CDKAL1: variants seen among roughly 807,000 people sequenced by gnomAD.
CDKAL1 encodes CDKAL1 threonylcarbamoyladenosine tRNA methylthiotransferase.
A neutral mutation model predicts 68.2 loss-of-function variants in CDKAL1; 32 were observed. That is an observed-to-expected ratio of 0.47 (90% confidence interval 0.35 to 0.63). The LOEUF (loss-of-function observed/expected upper bound fraction) is 0.63, where lower values mean the gene tolerates loss of function less well. Ranked by LOEUF, CDKAL1 falls within the 30% of genes least tolerant of loss-of-function variation. CDKAL1 has a pLI of 0.00. For synonymous variants in CDKAL1, 234 were observed against 244.3 expected, an observed-to-expected ratio of 0.96 and a Z score of 0.39; for missense variants, 606 against 696.7, an observed-to-expected ratio of 0.87 and a Z score of 1.47.
At chr6:21,173,962 C>T (rs1341840757) in intron 13 of CDKAL1, among the ~76,000 whole-genome samples, 1 of 151,914 alleles carries the variant, frequency 6.6e-6, no homozygotes, top group African/African-American at 2.4e-5. Context: ...GTTCCAGCTA[C>T]GGAAGGCTGA....
chr6:20,978,059 A>T (rs1031332405), intron 10 of CDKAL1, among the ~76,000 whole-genome samples: 1 of 152,254 alleles, frequency 6.6e-6, no homozygotes. Flanking sequence ...TGATATAGGG[A>T]ATACTAAACT....
chr6:20,969,265 G>A (rs1765475616), intron 10 of CDKAL1, among the ~76,000 whole-genome samples: 1 of 152,138 alleles, frequency 6.6e-6, no homozygotes. Flanking sequence ...ATGCACGTGT[G>A]TTATGTGTAT....
intron 9 of CDKAL1, among the ~76,000 whole-genome samples, chr6:20,890,345 T>C (rs1470268314): frequency 1.3e-5 from 2 of 152,220 alleles, no homozygotes; most frequent in African/African-American, 4.8e-5. Context: ...TATGGAGTTT[T>C]CCTTCTCAAG....
chr6:20,633,451 G>A (rs1767761270), intron 4 of CDKAL1, among the ~76,000 whole-genome samples: 2 of 152,150 alleles, frequency 1.3e-5, no homozygotes, highest in Non-Finnish European at 1.5e-5. Context: ...TGGACATTGG[G>A]TTGTTTCTGC....
chr6:20,717,600 T>C (rs950971175), intron 5 of CDKAL1, among the ~76,000 whole-genome samples: 3 of 152,152 alleles, frequency 2.0e-5, no homozygotes, highest in African/African-American at 7.2e-5. Flanking sequence ...CTGAGACCCT[T>C]AATGGGGAAG....
chr6:20,780,664 CTTTTTCTTTTTTT>C (rs200532156), intron 7 of CDKAL1, among the ~76,000 whole-genome samples: 65,400 of 137,922 alleles, frequency 0.47, 14,673 homozygotes, highest in East Asian at 0.52. Flanking sequence ...TTTTTCATTT[CTTTTTCTTTTTTT>C]TTTTTTTTTT....
chr6:21,079,976 C>CTCTGTGTGTG lies in CDKAL1; in HGVS notation c.1236+14749_1236+14750insCTGTGTGTGT, dbSNP rs1554171489. Among the ~76,000 whole-genome samples the CTCTGTGTGTG allele has an allele frequency of 7.4e-4, 101 of 135,840 alleles. 1 individual carries two copies. The highest frequency in any genetic ancestry group is 3.0e-3 in the Admixed American group (40 of 13,302). The allele number at this position is 135,840 out of a possible 152,430, so 89.1% of individuals were successfully genotyped here. On this transcript the variant is annotated intron_variant, in intron 12 of 15. Transcript: ENST00000274695. ...TAAGATAAGCTTATCAACTTTGTCT[C>CTCTGTGTGTG]TGTGTGTGTGTGTGTGTGTGTGTGT...
chr6:21,198,668 AACT>A (rs1562110252), intron 14 of CDKAL1, among the ~76,000 whole-genome samples: 1 of 152,240 alleles, frequency 6.6e-6, no homozygotes, highest in Non-Finnish European at 1.5e-5. Context: ...TTGTATGAAC[AACT>A]GTGCAGACCA....
chr6:20,604,152 G>A (rs370162803), intron 4 of CDKAL1, among the ~76,000 whole-genome samples: 6 of 152,178 alleles, frequency 3.9e-5, no homozygotes, highest in South Asian at 2.1e-4. Context: ...ACAGAACAAC[G>A]TGCTGTGTGC....
intron 9 of CDKAL1, among the ~76,000 whole-genome samples, chr6:20,867,391 C>T (rs58204955): frequency 0.049 from 7,387 of 152,188 alleles, 587 homozygotes; most frequent in African/African-American, 0.16. Context: ...GATTTTTGGT[C>T]ATTTTCTAAC....
At chr6:20,726,830 C>T (rs1772678449) in intron 5 of CDKAL1, among the ~76,000 whole-genome samples, 2 of 152,134 alleles carry the variant, frequency 1.3e-5, no homozygotes, top group Non-Finnish European at 2.9e-5. Flanking sequence ...AATGAGTAAA[C>T]ATTTATGTAA....
At chr6:20,649,234 A>T (rs1768630998) in intron 4 of CDKAL1, 59 bp from the exon 5 acceptor site, 4 of 1,159,724 alleles carry the variant, frequency 3.4e-6, no homozygotes, top group Non-Finnish European at 5.1e-6. Flanking sequence ...GTGCCACTGG[A>T]TATTTTTGAA....
At chr6:20,913,625 C>T (rs1474578132) in intron 9 of CDKAL1, among the ~76,000 whole-genome samples, 2 of 152,130 alleles carry the variant, frequency 1.3e-5, no homozygotes, top group African/African-American at 4.8e-5. Flanking sequence ...CCACACTGCC[C>T]AACTGATTGA....
intron 13 of CDKAL1, among the ~76,000 whole-genome samples, chr6:21,167,859 C>T (rs920782151): frequency 2.6e-5 from 4 of 152,302 alleles, no homozygotes; most frequent in Admixed American, 1.3e-4. Flanking sequence ...TAATCTATGT[C>T]GGAGCTTCTA....
chr6:20,574,450 A>G (rs1044934348), intron 4 of CDKAL1, among the ~76,000 whole-genome samples: 7 of 152,126 alleles, frequency 4.6e-5, no homozygotes, highest in African/African-American at 1.2e-4. Flanking sequence ...CTTTGGTGAA[A>G]AGTAGTTCAT....
At chr6:20,535,990 G>A (rs1045250609) in intron 2 of CDKAL1, among the ~76,000 whole-genome samples, 2 of 152,134 alleles carry the variant, frequency 1.3e-5, no homozygotes, top group Non-Finnish European at 2.9e-5. Context: ...AGAGTGCAGT[G>A]GCTCGATTAC....
In CDKAL1 at chr6:20,917,777, A is replaced by G. The variant is rs147502252; in HGVS notation, c.743-37642A>G. 3.4e-3 allele frequency among the ~76,000 whole-genome samples: 516 copies of G among 152,302 alleles called. 5 individuals carry two copies. The highest frequency in any genetic ancestry group is 0.012 in the African/African-American group (488 of 41,560). The stretch of plus-strand genomic sequence containing the variant: ...CACATGTATTTTTGAAAGATTAAAT[A>G]TACTTGCTGTTTTCTGAATGTTTGT... On this transcript the variant is annotated intron_variant, in intron 9 of 15. Transcript: ENST00000274695.
intron 5 of CDKAL1, among the ~76,000 whole-genome samples, chr6:20,730,385 A>T (rs1008525898): frequency 6.6e-6 from 1 of 151,704 alleles, no homozygotes; most frequent in South Asian, 2.1e-4. Context: ...CCGACCCGAA[A>T]AAAAAGGAAG....
chr6:21,017,886 C>T (rs1768429994), intron 11 of CDKAL1, among the ~76,000 whole-genome samples: 2 of 151,150 alleles, frequency 1.3e-5, no homozygotes, highest in South Asian at 4.2e-4. Context: ...AATTTAATTC[C>T]TCCATTTCTG....
Sources: allele counts gnomAD v4.1 joint callset (sites outside exome capture counted in the v4.1 genomes callset), GRCh38; gene constraint gnomAD v4.1.1; transcripts MANE v1.5; gene names NCBI Gene and HGNC (gene_info 2026-07-23, HGNC 2026-07-21).